The following KIAA1549L variants were observed in gnomAD, a reference collection of about 807,000 sequenced individuals.
KIAA1549L encodes KIAA1549 like.
KIAA1549L carries 88 observed loss-of-function variants against 160.7 expected under a neutral mutation model. That is an observed-to-expected ratio of 0.55 (90% confidence interval 0.46 to 0.65). The LOEUF is 0.65. Ranked by LOEUF, KIAA1549L falls within the 30% of genes least tolerant of loss-of-function variation. The pLI is 0.00. For synonymous variants in KIAA1549L, 950 were observed against 976.7 expected (o/e 0.97, Z 0.51); for missense variants, 2,258 against 2,437.5 (o/e 0.93, Z 1.55).
intron 16 of KIAA1549L, among the ~76,000 whole-genome samples, chr11:33,644,772 C>T (rs980565526): frequency 2.0e-5 from 3 of 152,372 alleles, no homozygotes; most frequent in East Asian, 3.9e-4. Context: ...GCAGCCTCCC[C>T]ATATTGCCTT....
chr11:33,644,575 T>G (rs1028223483), intron 16 of KIAA1549L, among the ~76,000 whole-genome samples: 8 of 152,260 alleles, frequency 5.3e-5, no homozygotes, highest in South Asian at 4.1e-4. Flanking sequence ...AATCTTTAGA[T>G]GTACCTTTAT....
chr11:33,443,745 A>G (rs528311463), intron 1 of KIAA1549L, among the ~76,000 whole-genome samples: 2 of 152,270 alleles, frequency 1.3e-5, no homozygotes, highest in African/African-American at 4.8e-5. Flanking sequence ...AAAAACAAAT[A>G]TATTGAAATA....
At chr11:33,411,036 A>G (rs995447652) in intron 1 of KIAA1549L, among the ~76,000 whole-genome samples, 1 of 152,152 alleles carries the variant, frequency 6.6e-6, no homozygotes, top group African/African-American at 2.4e-5. Context: ...GGAGTGGAGC[A>G]GGCACACACT....
intron 15 of KIAA1549L, among the ~76,000 whole-genome samples, chr11:33,616,171 C>T (rs2133344693): frequency 6.6e-6 from 1 of 152,278 alleles, no homozygotes; most frequent in Non-Finnish European, 1.5e-5. Context: ...TTGGCTGGAT[C>T]CAGGGGTCAG....
chr11:33,630,113 C>A (rs537304806), intron 16 of KIAA1549L, among the ~76,000 whole-genome samples: 1 of 151,366 alleles, frequency 6.6e-6, no homozygotes, highest in African/African-American at 2.5e-5. Flanking sequence ...GTCAGGGACC[C>A]ACTTGAGGAG....
intron 1 of KIAA1549L, among the ~76,000 whole-genome samples, chr11:33,431,366 G>A (rs952481373): frequency 2.6e-5 from 4 of 152,148 alleles, no homozygotes; most frequent in Non-Finnish European, 5.9e-5. Flanking sequence ...TGGTAGAGCC[G>A]AGTGGTCTGT....
intron 16 of KIAA1549L, 64 bp downstream of exon 16, chr11:33,618,726 G>C: frequency 7.4e-7 from 1 of 1,343,680 alleles, no homozygotes; most frequent in Non-Finnish European, 9.9e-7. Flanking sequence ...GGGGGATAGG[G>C]CATCCCACTG....
At chr11:33,538,419 C>T (rs144963858) in intron 1 of KIAA1549L, among the ~76,000 whole-genome samples, 30 of 152,282 alleles carry the variant, frequency 2.0e-4, no homozygotes, top group African/African-American at 7.2e-4. Context: ...TAACCGTTTT[C>T]CTTTTTATAA....
rs577021633 is a variant in KIAA1549L, at chr11:33,434,585, GCCTGGA to G, written c.238+57701_238+57706del. On this transcript the variant is annotated intron_variant, in intron 1 of 20. Coordinates refer to ENST00000658780, the MANE Select transcript of KIAA1549L (RefSeq NM_012194.3). ...ACAAGCTAGCTGCACAAGAGAGCTA[GCCTGGA>G]CCTGTTGCAGAGCCTTCTCCTGTTC... is the stretch of plus-strand genomic sequence containing the variant. 2.2e-3 allele frequency among the ~76,000 whole-genome samples: 331 copies of G among 152,276 alleles called. 4 individuals carry two copies. Among genetic ancestry groups the G allele is most frequent in the Admixed American group, 0.019 (284 of 15,296 alleles).
Position 33,551,271 on chromosome 11 carries a change from G to C in KIAA1549L, c.3721+12G>C. 2 of 1,606,234 alleles carry C rather than the reference G, an allele frequency of 1.2e-6. No homozygotes were observed. ...CCAGCTAAAAACAGGCAAGTGACTCGGAAGGAAGGGATTTTCATCCATTCT... is the reference window on the plus strand; with the variant it reads ...CCAGCTAAAAACAGGCAAGTGACTCCGAAGGAAGGGATTTTCATCCATTCT... On this transcript the variant is annotated intron_variant, in intron 5 of 20. Coordinates refer to ENST00000658780, the MANE Select transcript of KIAA1549L (RefSeq NM_012194.3).
chr11:33,659,982 T>C (rs1488702946), intron 19 of KIAA1549L, among the ~76,000 whole-genome samples: 1 of 152,216 alleles, frequency 6.6e-6, no homozygotes, highest in African/African-American at 2.4e-5. Flanking sequence ...AGAGTCCTCC[T>C]CTGCTTCCCT....
intron 1 of KIAA1549L, among the ~76,000 whole-genome samples, chr11:33,410,539 G>A (rs1258164029): frequency 6.6e-6 from 1 of 152,190 alleles, no homozygotes; most frequent in Non-Finnish European, 1.5e-5. Context: ...TGAACCACCT[G>A]CCTCAGTCCA....
intron 1 of KIAA1549L, among the ~76,000 whole-genome samples, chr11:33,442,825 A>G (rs918355658): frequency 6.6e-6 from 1 of 152,044 alleles, no homozygotes; most frequent in Non-Finnish European, 1.5e-5. Context: ...TGTCCCCCAT[A>G]TCACTGACTC....
chr11:33,513,809 A>G (rs1853279554), intron 1 of KIAA1549L, among the ~76,000 whole-genome samples: 1 of 152,278 alleles, frequency 6.6e-6, no homozygotes. Context: ...AGGATGGGGC[A>G]TTTGTTGGAG....
chr11:33,597,630 C>T (rs138719473), intron 12 of KIAA1549L, among the ~76,000 whole-genome samples: 5 of 152,330 alleles, frequency 3.3e-5, no homozygotes, highest in African/African-American at 9.6e-5. Context: ...GCCGGACCCA[C>T]GGGCTGGCAT....
intron 1 of KIAA1549L, among the ~76,000 whole-genome samples, chr11:33,386,894 G>T (rs1011099522): frequency 6.6e-6 from 1 of 152,094 alleles, no homozygotes; most frequent in African/African-American, 2.4e-5. Flanking sequence ...ATCACTTGAG[G>T]TCAGGAGTTC....
At chr11:33,468,606 C>G (rs1852110275) in intron 1 of KIAA1549L, among the ~76,000 whole-genome samples, 1 of 152,184 alleles carries the variant, frequency 6.6e-6, no homozygotes, top group South Asian at 2.1e-4. Flanking sequence ...TGTATCCCTT[C>G]CTGTTGGTTG....
intron 11 of KIAA1549L, among the ~76,000 whole-genome samples, chr11:33,586,749 A>G (rs941784075): frequency 1.1e-4 from 16 of 152,110 alleles, no homozygotes; most frequent in African/African-American, 3.9e-4. Flanking sequence ...TAGGATACCT[A>G]TAGGATAACT....
At chr11:33,433,119 G>A (rs1450266431) in intron 1 of KIAA1549L, among the ~76,000 whole-genome samples, 1 of 152,190 alleles carries the variant, frequency 6.6e-6, no homozygotes, top group African/African-American at 2.4e-5. Context: ...CACAGCAAAA[G>A]AAACTATCAT....
Sources: allele counts gnomAD v4.1 joint callset (sites outside exome capture counted in the v4.1 genomes callset), GRCh38; gene constraint gnomAD v4.1.1; transcripts MANE v1.5; gene names NCBI Gene and HGNC (gene_info 2026-07-23, HGNC 2026-07-21).